The following NELL1 variants were observed in gnomAD, a reference collection of about 807,000 sequenced individuals.
NELL1 encodes the protein protein kinase C-binding protein NELL1.
Under a neutral mutation model 107.4 loss-of-function variants are expected in NELL1, and 76 were observed. The ratio of observed to expected loss-of-function variants is 0.71; its 90% confidence interval spans 0.59 to 0.86. The LOEUF is 0.86. NELL1 is among the 40% of genes least tolerant of loss of function. The pLI, the probability that NELL1 is intolerant of heterozygous loss-of-function variation, is 0.00. For missense variants in NELL1, 1,024 were observed against 1,005.5 expected (o/e 1.02, Z -0.25); for synonymous variants, 353 against 341.2 (o/e 1.03, Z -0.38).
chr11:20,799,808 T>G (rs1302556554), intron 3 of NELL1, among the ~76,000 whole-genome samples: 1 of 152,222 alleles, frequency 6.6e-6, no homozygotes, highest in Non-Finnish European at 1.5e-5. Context: ...ATCACCCATG[T>G]GGTGAGCATA....
chr11:20,922,745 T>G (rs1487318784), intron 7 of NELL1, among the ~76,000 whole-genome samples: 1 of 152,176 alleles, frequency 6.6e-6, no homozygotes, highest in Non-Finnish European at 1.5e-5. Flanking sequence ...CAGGCTGATA[T>G]GATTCTGAGT....
At chr11:21,483,324 T>A (rs555175695) in intron 15 of NELL1, among the ~76,000 whole-genome samples, 112 of 152,310 alleles carry the variant, frequency 7.4e-4, no homozygotes, top group Non-Finnish European at 1.4e-3. Context: ...GTAAAGCTAA[T>A]GTGTTCTGTA....
chr11:20,953,053 T>C (rs1426614079), intron 11 of NELL1, among the ~76,000 whole-genome samples: 2 of 152,176 alleles, frequency 1.3e-5, no homozygotes, highest in African/African-American at 2.4e-5. Flanking sequence ...CCAGTTCTCA[T>C]AAAAGACCCT....
chr11:20,727,194 C>G (rs1855527145), intron 2 of NELL1, among the ~76,000 whole-genome samples: 1 of 152,226 alleles, frequency 6.6e-6, no homozygotes, highest in Non-Finnish European at 1.5e-5. Context: ...AATGGTTGAA[C>G]TAGTTTACAG....
intron 3 of NELL1, among the ~76,000 whole-genome samples, chr11:20,825,398 G>A (rs780218451): frequency 2.0e-5 from 3 of 151,292 alleles, no homozygotes; most frequent in Admixed American, 6.6e-5. Flanking sequence ...CTCAATGCCT[G>A]CCCATTAAAG....
intron 7 of NELL1, among the ~76,000 whole-genome samples, chr11:20,924,477 A>G (rs983356396): frequency 6.6e-6 from 1 of 152,042 alleles, no homozygotes; most frequent in Non-Finnish European, 1.5e-5. Context: ...TAAAACTGAC[A>G]TTTTCTTTGG....
chr11:21,255,647 A>G (rs11606314), intron 14 of NELL1, among the ~76,000 whole-genome samples: 2 of 152,082 alleles, frequency 1.3e-5, no homozygotes, highest in African/African-American at 2.4e-5. Flanking sequence ...TCCATTTCCT[A>G]ACACAATTTA....
At chr11:21,421,615 G>C (rs1377109622) in intron 15 of NELL1, among the ~76,000 whole-genome samples, 1 of 151,352 alleles carries the variant, frequency 6.6e-6, no homozygotes, top group Non-Finnish European at 1.5e-5. Context: ...CAGCATTACT[G>C]TAAGCTACTC....
At chr11:21,125,338 A>C (rs1418993665) in intron 13 of NELL1, among the ~76,000 whole-genome samples, 2 of 152,196 alleles carry the variant, frequency 1.3e-5, no homozygotes, top group Non-Finnish European at 1.5e-5. Flanking sequence ...TATCATGTCA[A>C]CATTTTTCTT....
At chr11:21,287,154 A>G (rs1004741551) in intron 14 of NELL1, among the ~76,000 whole-genome samples, 3 of 152,216 alleles carry the variant, frequency 2.0e-5, no homozygotes, top group African/African-American at 7.2e-5. Flanking sequence ...TTTAAATAGA[A>G]AAGCAAATCA....
At chr11:21,347,357 C>T (rs1030444492) in intron 14 of NELL1, among the ~76,000 whole-genome samples, 16 of 152,210 alleles carry the variant, frequency 1.1e-4, no homozygotes, top group South Asian at 2.1e-4. Context: ...CATCCCAGCA[C>T]TTCGGGAGGC....
intron 13 of NELL1, among the ~76,000 whole-genome samples, chr11:21,186,175 C>T (rs1483048729): frequency 2.6e-5 from 4 of 151,956 alleles, no homozygotes; most frequent in African/African-American, 9.7e-5. Flanking sequence ...GGTCATGTGA[C>T]TTCTCCATTA....
At chr11:21,313,886 A>G (rs35119624) in intron 14 of NELL1, among the ~76,000 whole-genome samples, 62,467 of 151,462 alleles carry the variant, frequency 0.41, 13,209 homozygotes, top group African/African-American at 0.48. Flanking sequence ...GCATCATGGC[A>G]GTGGATATCT....
intron 14 of NELL1, among the ~76,000 whole-genome samples, chr11:21,302,801 A>G (rs1303742303): frequency 6.6e-6 from 1 of 151,926 alleles, no homozygotes; most frequent in Non-Finnish European, 1.5e-5. Context: ...CATGCCTGGA[A>G]TTTCAGCATT....
At chr11:20,704,084 G>A (rs1854873589) in intron 2 of NELL1, among the ~76,000 whole-genome samples, 2 of 152,134 alleles carry the variant, frequency 1.3e-5, no homozygotes, top group South Asian at 2.1e-4. Context: ...TTGCTGATCT[G>A]TGTAATGTTG....
intron 14 of NELL1, among the ~76,000 whole-genome samples, chr11:21,232,445 A>G (rs967209188): frequency 6.6e-6 from 1 of 152,150 alleles, no homozygotes; most frequent in African/African-American, 2.4e-5. Flanking sequence ...ATGCTATACA[A>G]ACTAAAGACT....
chr11:20,914,036 G>A (rs557114324), intron 5 of NELL1, among the ~76,000 whole-genome samples: 1 of 152,060 alleles, frequency 6.6e-6, no homozygotes, highest in South Asian at 2.1e-4. Flanking sequence ...GCAACATGTT[G>A]TTGGTTCATG....
In NELL1 at chr11:21,565,547, A is replaced by G. The variant is rs375636305; in HGVS notation, c.1980+5165A>G. Reference sequence around the variant, plus strand: ...TTTGCATTTTTCAGTAGTTCCCAGGAGATGGTAATGCTGCTGGTTTGAGGA... The same window carrying G: ...TTTGCATTTTTCAGTAGTTCCCAGGGGATGGTAATGCTGCTGGTTTGAGGA... On this transcript the variant is annotated intron_variant, in intron 17 of 19. Transcript: ENST00000357134. Among the ~76,000 whole-genome samples the G allele has an allele frequency of 3.9e-5, 6 of 151,998 alleles. No individual in the cohort carries two copies. In the South Asian group the frequency reaches 1.0e-3, roughly 26 times the overall value.
At chr11:21,006,438 A>G (rs1852329412) in intron 12 of NELL1, among the ~76,000 whole-genome samples, 2 of 152,046 alleles carry the variant, frequency 1.3e-5, no homozygotes, top group Non-Finnish European at 2.9e-5. Context: ...TCTTTTTCTT[A>G]TTAATTACCC....
Sources: gnomAD v4.1 joint callset for allele counts (sites outside exome capture counted in the v4.1 genomes callset) on GRCh38, gnomAD v4.1.1 for gene constraint, MANE v1.5 for transcripts, NCBI Gene and HGNC (gene_info 2026-07-23, HGNC 2026-07-21) for gene names.